MCF2L: variants seen among roughly 807,000 people sequenced by gnomAD.
MCF2L encodes guanine nucleotide exchange factor DBS.
MCF2L carries 97 observed loss-of-function variants against 153.4 expected under a neutral mutation model. The observed-to-expected ratio is 0.63, with a 90% CI of 0.54 to 0.75. The LOEUF (loss-of-function observed/expected upper bound fraction) is 0.75. MCF2L is among the 30% of genes least tolerant of loss of function. The pLI is 0.00. For missense variants in MCF2L, 1,347 were observed against 1,495.2 expected (o/e 0.90, Z 1.64); for synonymous variants, 659 against 632.2 (o/e 1.04, Z -0.64).
intron 1 of MCF2L, among the ~76,000 whole-genome samples, chr13:112,897,328 C>G (rs1035191662): frequency 6.6e-6 from 1 of 152,006 alleles, no homozygotes; most frequent in African/African-American, 2.4e-5. Context: ...GGTCAGGAGC[C>G]CAGCATGAAC....
intron 2 of MCF2L, among the ~76,000 whole-genome samples, chr13:112,937,303 C>A (rs2140648695): frequency 6.6e-6 from 1 of 152,320 alleles, no homozygotes; most frequent in South Asian, 2.1e-4. Flanking sequence ...GATCTGCCCA[C>A]CTCAGCCTCC....
intron 2 of MCF2L, among the ~76,000 whole-genome samples, chr13:112,962,528 G>A (rs1313251050): frequency 6.6e-6 from 1 of 152,166 alleles, no homozygotes; most frequent in Non-Finnish European, 1.5e-5. Context: ...TGGTGCCCAG[G>A]CCTGGTCCCT....
intron 2 of MCF2L, among the ~76,000 whole-genome samples, chr13:112,939,344 C>G (rs1168905302): frequency 6.6e-6 from 1 of 152,178 alleles, no homozygotes; most frequent in Non-Finnish European, 1.5e-5. Context: ...TCAGCAGCAT[C>G]CCTGGACCCT....
intron 26 of MCF2L, chr13:113,090,247 C>T: frequency 7.2e-7 from 1 of 1,390,310 alleles, no homozygotes; most frequent in South Asian, 1.2e-5. Flanking sequence ...TCCTTCGTCA[C>T]AAGGGCGGCC....
rs2082332028 is a variant in MCF2L, at chr13:112,979,641, T to TA, written c.79+10184dup. 4 of 1,612,534 alleles carry TA rather than the reference T, an allele frequency of 2.5e-6. No individual in the cohort carries two copies. The Admixed American group carries it at 6.7e-5, about 27-fold the overall frequency. Reference sequence around the variant, plus strand: ...AAGAACCAGAGCTGCCTCCGCTTTGTAGCAGCCTTTGTGACAGGGCGGTTC... The same window carrying TA: ...AAGAACCAGAGCTGCCTCCGCTTTGTAAGCAGCCTTTGTGACAGGGCGGTTC... On this transcript the variant is annotated intron_variant, in intron 1 of 29. Coordinates refer to ENST00000535094, the MANE Select transcript of MCF2L (RefSeq NM_001112732.3).
chr13:113,024,284 G>A (rs780322344), intron 2 of MCF2L, among the ~76,000 whole-genome samples: 37 of 152,124 alleles, frequency 2.4e-4, no homozygotes, highest in African/African-American at 4.8e-4. Context: ...GCATGGAAGC[G>A]GTTTGTTCTC....
intron 9 of MCF2L, among the ~76,000 whole-genome samples, chr13:113,071,260 C>A (rs1032446298): frequency 6.6e-6 from 1 of 152,102 alleles, no homozygotes; most frequent in Non-Finnish European, 1.5e-5. Flanking sequence ...TTTTGTTTTA[C>A]GGTTTTGTTA....
In MCF2L at chr13:113,081,293, C is replaced by A; in HGVS notation, c.1875+14C>A. ...TGCGTCCTGGAGGTGAGGCTGGACT[C>A]GGGGAGGGCCGACTGCCACGGGGAC... On this transcript the variant is annotated intron_variant, in intron 16 of 29. Coordinates refer to ENST00000535094, the MANE Select transcript of MCF2L (RefSeq NM_001112732.3). 6.4e-7 allele frequency: 1 copy of A among 1,573,152 alleles called. No individual in the cohort carries two copies. Among genetic ancestry groups the A allele is most frequent in the Non-Finnish European group, 8.6e-7 (1 of 1,160,636 alleles).
At position 112,960,410 on chromosome 13, in the gene MCF2L, C is replaced by T. The variant is rs900447723; in HGVS notation, c.170-54353C>T. Among the ~76,000 whole-genome samples, 1 of 152,166 alleles carries T rather than the reference C, an allele frequency of 6.6e-6. No individual in the cohort carries two copies. The highest frequency in any genetic ancestry group is 2.4e-5 in the African/African-American group (1 of 41,426). On this transcript the variant is annotated intron_variant, in intron 2 of 29. Coordinates refer to the MCF2L transcript ENST00000375608. The surrounding 1 kb of genome is among the most constrained non-coding windows in gnomAD (Gnocchi z 4.2). ...CACGGCGGCATTGGGGGTGAGGTTT[C>T]CCACACACGACCTTTGGGGGACACA...
chr13:113,088,765 G>A (rs1218799194), intron 25 of MCF2L, 137 bp downstream of exon 25: 5 of 850,354 alleles, frequency 5.9e-6, no homozygotes, highest in Non-Finnish European at 9.4e-6. Flanking sequence ...TGGTGTTTAT[G>A]TGCTGACGGG....
rs1043489196 is a variant in MCF2L, at chr13:113,085,387, G to A, written c.2247+209G>A. 5.9e-5 allele frequency among the ~76,000 whole-genome samples: 9 copies of A among 152,158 alleles called. No individual in the cohort carries two copies. The East Asian group carries it at 1.2e-3, about 20-fold the overall frequency. On this transcript the variant is annotated intron_variant, in intron 20 of 29. Coordinates refer to ENST00000535094, the MANE Select transcript of MCF2L (RefSeq NM_001112732.3). Reference sequence around the variant, plus strand: ...GACGCAGGTGAGCAGACGAGTCCCCGTCCCCATGGGTTGGCACACAGCCCA... The same window carrying A: ...GACGCAGGTGAGCAGACGAGTCCCCATCCCCATGGGTTGGCACACAGCCCA...
intron 1 of MCF2L, among the ~76,000 whole-genome samples, chr13:113,000,414 A>G (rs569376981): frequency 3.0e-4 from 46 of 152,334 alleles, no homozygotes; most frequent in African/African-American, 1.0e-3. Flanking sequence ...TGCCTCTCAG[A>G]GGACCCAGGC....
In MCF2L at chr13:113,082,436, G is replaced by A. The variant is rs760158165; in HGVS notation, c.1885G>A (p.Ala629Thr). 1.8e-5 allele frequency: 29 copies of A among 1,611,966 alleles called. 1 individual carries two copies. Among genetic ancestry groups the A allele is most frequent in the South Asian group, 1.5e-4 (14 of 91,046 alleles). The change falls in exon 17 of 30, where the codon GCG becomes ACG. Residue 629 changes from alanine (A) to threonine (T), a missense_variant. Ala to Thr is a moderately conservative substitution (Grantham distance 58, BLOSUM62 0). Around this residue, in one of 3 missense-constraint regions of MCF2L, gnomAD observed 820 missense variants for 921.2 expected, o/e 0.89. Coordinates refer to ENST00000535094, the MANE Select transcript of MCF2L (RefSeq NM_001112732.3). ...TGCGCTCTCCCTGCAGGGCTACGCCGCGGAGATGGATAACCCACTGATGGC... is the reference window on the plus strand; with the variant it reads ...TGCGCTCTCCCTGCAGGGCTACGCCACGGAGATGGATAACCCACTGATGGC... Reference protein sequence around the residue: ...ELLCVLEGYAAEMDNPLMAHL... With the variant: ...ELLCVLEGYATEMDNPLMAHL...
intron 7 of MCF2L, among the ~76,000 whole-genome samples, chr13:113,065,714 C>T (rs1223770306): frequency 1.3e-5 from 2 of 152,220 alleles, no homozygotes; most frequent in African/African-American, 2.4e-5. Context: ...TGCCTCTGTG[C>T]TCACCGGGCC....
rs149169648 is a variant in MCF2L at position 113,077,058 on chromosome 13, G to A, written c.1507G>A (p.Val503Met). 7.4e-5 allele frequency: 119 copies of A among 1,610,938 alleles called. No individual in the cohort carries two copies. In the East Asian group the frequency reaches 2.3e-3, roughly 31 times the overall value. The stretch of plus-strand genomic sequence containing the variant: ...ACTGAGCATGCGGTTTCAGGAGCAC[G>A]TGCGAAAGGTCTTCCAGAAGCAGGC... The part of the protein sequence containing the change: ...SILNQDLMEH[V>M]RKVFQKQASM... Residue 503 changes from valine (V) to methionine (M), a missense_variant, in exon 13 of 30, where the codon GTG becomes ATG. This residue lies in a region of MCF2L where 820 missense variants were observed against 921.2 expected (regional missense o/e 0.89). Transcript: ENST00000535094.
At chr13:113,005,749 T>C (rs1355351386) in intron 1 of MCF2L, among the ~76,000 whole-genome samples, 1 of 152,158 alleles carries the variant, frequency 6.6e-6, no homozygotes, top group African/African-American at 2.4e-5. Flanking sequence ...TAAAAGGAAA[T>C]GGCAGCTGTG....
At chr13:112,909,214 C>T (rs540143983) in intron 2 of MCF2L, 1 of 779,676 alleles carries the variant, frequency 1.3e-6, no homozygotes, top group South Asian at 1.3e-5. Flanking sequence ...TAACCAACCT[C>T]TCCCCAGATG....
intron 2 of MCF2L, among the ~76,000 whole-genome samples, chr13:112,921,309 G>A (rs530501029): frequency 3.0e-4 from 46 of 152,354 alleles, no homozygotes; most frequent in Middle Eastern, 6.8e-3. Flanking sequence ...TTGCAAGTTT[G>A]ATGCCTAACA....
At chr13:112,939,427 C>T in intron 2 of MCF2L, among the ~76,000 whole-genome samples, 1 of 152,158 alleles carries the variant, frequency 6.6e-6, no homozygotes, top group Non-Finnish European at 1.5e-5. Context: ...AGTGCATGCC[C>T]CCACTGCTCC....
Sources: allele counts gnomAD v4.1 joint callset (sites outside exome capture counted in the v4.1 genomes callset), GRCh38; gene constraint gnomAD v4.1.1; regional missense constraint gnomAD v4.1.1; non-coding constraint Gnocchi (gnomAD v3.1); transcripts MANE v1.5; gene names NCBI Gene and HGNC (gene_info 2026-07-23, HGNC 2026-07-21).